GNG2: variants seen among roughly 807,000 people sequenced by gnomAD.
The protein encoded by GNG2 is G protein subunit gamma 2, also known as guanine nucleotide-binding protein G(I)/G(S)/G(O) subunit gamma-2.
In GNG2, 5 loss-of-function variants were observed where a neutral mutation model predicts 5.5. That is an observed-to-expected ratio of 0.91 (90% CI 0.48 to 1.92). The LOEUF is 1.92. Among genes scored for constraint, GNG2 ranks in the 30% most tolerant of loss-of-function variants. The probability of loss-of-function intolerance (pLI) is 0.01; values close to 1 mark genes in which losing one functional copy is unlikely to be tolerated. For missense variants in GNG2, 55 were observed against 88.4 expected (o/e 0.62, Z 1.52); for synonymous variants, 28 against 32.0 (o/e 0.88, Z 0.42).
At chr14:51,938,907 G>A (rs1888163490) in intron 2 of GNG2, among the ~76,000 whole-genome samples, 2 of 152,344 alleles carry the variant, frequency 1.3e-5, no homozygotes, top group African/African-American at 4.8e-5. Flanking sequence ...AGCAGTGTGA[G>A]TGGTTCGTTT....
At chr14:51,869,339 T>C (rs1883148104) in intron 1 of GNG2, among the ~76,000 whole-genome samples, 1 of 152,234 alleles carries the variant, frequency 6.6e-6, no homozygotes, top group African/African-American at 2.4e-5. Flanking sequence ...TCAGAGTTAC[T>C]TATGTGGTAG....
chr14:51,864,816 G>T (rs72678125), intron 1 of GNG2, among the ~76,000 whole-genome samples: 1 of 152,184 alleles, frequency 6.6e-6, no homozygotes, highest in Non-Finnish European at 1.5e-5. Context: ...CTTTATAAGG[G>T]GGAGCAGTAA....
At chr14:51,947,881 C>A (rs1888732055) in intron 2 of GNG2, among the ~76,000 whole-genome samples, 2 of 152,134 alleles carry the variant, frequency 1.3e-5, no homozygotes, top group Admixed American at 1.3e-4. Flanking sequence ...TGACAGAGAA[C>A]CCCTCAATAA....
chr14:51,854,670 G>A (rs901990985), intron 2 of GNG2, among the ~76,000 whole-genome samples: 5 of 151,736 alleles, frequency 3.3e-5, no homozygotes, highest in African/African-American at 9.7e-5. Context: ...CCGCCACCAC[G>A]CCTGGCTAAT....
At chr14:51,942,598 T>TCTCTC (rs1274953734) in intron 2 of GNG2, among the ~76,000 whole-genome samples, 1 of 134,092 alleles carries the variant, frequency 7.5e-6, no homozygotes, top group Admixed American at 7.5e-5. Flanking sequence ...TCTTTTTTTT[T>TCTCTC]TTTTTTTTAG....
intron 3 of GNG2, among the ~76,000 whole-genome samples, chr14:51,962,208 T>TTCTTTAAAA (rs56878084): frequency 0.93 from 140,532 of 151,916 alleles, 65,503 homozygotes; most frequent in Non-Finnish European, 0.98. Context: ...TTAAATAATA[T>TTCTTTAAAA]TATTTAAAAT....
intron 2 of GNG2, among the ~76,000 whole-genome samples, chr14:51,938,690 A>G (rs1485784710): frequency 1.3e-5 from 2 of 152,192 alleles, no homozygotes; most frequent in Non-Finnish European, 2.9e-5. Context: ...AGTGATGGCA[A>G]ACAGTGAATT....
At chr14:51,867,882 A>T (rs762205206) in intron 1 of GNG2, among the ~76,000 whole-genome samples, 1 of 152,208 alleles carries the variant, frequency 6.6e-6, no homozygotes, top group Admixed American at 6.5e-5. Context: ...TCTAGTGTGT[A>T]TAACAGCAAT....
At chr14:51,826,724 G>A (rs74358250) in intron 1 of GNG2, among the ~76,000 whole-genome samples, 13,861 of 152,280 alleles carry the variant, frequency 0.091, 672 homozygotes, top group Middle Eastern at 0.21. Context: ...AATCACACTT[G>A]ATGGGACCAA....
intron 2 of GNG2, among the ~76,000 whole-genome samples, chr14:51,849,945 G>C (rs1323259341): frequency 6.6e-6 from 1 of 151,856 alleles, no homozygotes; most frequent in Non-Finnish European, 1.5e-5. Flanking sequence ...AAGTAGTTGG[G>C]ACTATAGGCG....
chr14:51,864,833 G>C (rs1594850602), intron 1 of GNG2, among the ~76,000 whole-genome samples: 1 of 152,188 alleles, frequency 6.6e-6, no homozygotes, highest in Non-Finnish European at 1.5e-5. Context: ...GTAACTTGTG[G>C]GGAGGGGCTA....
At chr14:51,946,719 T>A (rs1410882040) in intron 2 of GNG2, among the ~76,000 whole-genome samples, 1 of 152,126 alleles carries the variant, frequency 6.6e-6, no homozygotes, top group Non-Finnish European at 1.5e-5. Flanking sequence ...TTGCTCCTAT[T>A]TTAGCTTCTG....
At chr14:51,838,380 G>C (rs999991864) in intron 2 of GNG2, among the ~76,000 whole-genome samples, 1 of 151,816 alleles carries the variant, frequency 6.6e-6, no homozygotes, top group African/African-American at 2.4e-5. Flanking sequence ...GGAGGCAAAG[G>C]TTGCAATGAG....
intron 3 of GNG2, among the ~76,000 whole-genome samples, chr14:51,951,734 C>T (rs1213723174): frequency 2.0e-5 from 3 of 152,216 alleles, no homozygotes; most frequent in Middle Eastern, 3.2e-3. Context: ...AAAGCCAGCC[C>T]ACTGCCTATG....
chr14:51,932,588 C>T (rs1431450839), intron 2 of GNG2, among the ~76,000 whole-genome samples: 1 of 152,128 alleles, frequency 6.6e-6, no homozygotes, highest in African/African-American at 2.4e-5. Flanking sequence ...TGTACCACTG[C>T]ACTCCAGCCT....
chr14:51,859,944 C>T (rs1302624503), upstream of GNG2, among the ~76,000 whole-genome samples: 1 of 152,172 alleles, frequency 6.6e-6, no homozygotes, highest in Non-Finnish European at 1.5e-5. Context: ...GTAGCATTGC[C>T]AACTTGGTTT....
At chr14:51,893,571 C>A (rs977879112) in intron 2 of GNG2, among the ~76,000 whole-genome samples, 3 of 152,080 alleles carry the variant, frequency 2.0e-5, no homozygotes, top group African/African-American at 7.2e-5. Flanking sequence ...CTTTGTCATA[C>A]TTTTTCTTTT....
intron 2 of GNG2, among the ~76,000 whole-genome samples, chr14:51,838,305 G>A (rs552967892): frequency 1.7e-4 from 26 of 152,188 alleles, no homozygotes; most frequent in African/African-American, 5.1e-4. Flanking sequence ...TTAGCCAGGC[G>A]TGGTGGCGTG....
intron 3 of GNG2, among the ~76,000 whole-genome samples, chr14:51,964,110 C>T (rs908744758): frequency 6.6e-6 from 1 of 152,134 alleles, no homozygotes; most frequent in Admixed American, 6.5e-5. Flanking sequence ...GAGAATGCCA[C>T]ATAAAGACAC....
Sources: gnomAD v4.1 joint callset for allele counts (sites outside exome capture counted in the v4.1 genomes callset) on GRCh38, gnomAD v4.1.1 for gene constraint, MANE v1.5 for transcripts, NCBI Gene and HGNC (gene_info 2026-07-23, HGNC 2026-07-21) for gene names.